The following TMEM184A variants were observed in gnomAD, a reference collection of about 807,000 sequenced individuals.
TMEM184A encodes the protein transmembrane protein 184A, also known as sexually dimorphic, expressed in male gonads 1.
Under a neutral mutation model 39.5 loss-of-function variants are expected in TMEM184A, and 40 were observed. The observed-to-expected ratio is 1.01, with a 90% CI of 0.79 to 1.32. The LOEUF is 1.32. TMEM184A is among the 40% of genes most tolerant of loss of function. The pLI, the probability that TMEM184A is intolerant of heterozygous loss-of-function variation, is 0.00. For missense variants in TMEM184A, 603 were observed against 568.8 expected (o/e 1.06, Z -0.61); for synonymous variants, 280 against 252.3 (o/e 1.11, Z -1.04).
At chr7:1,550,728 G>A in intron 3 of TMEM184A, 89 bp downstream of exon 3, 2 of 1,513,154 alleles carry the variant, frequency 1.3e-6, no homozygotes, top group Non-Finnish European at 9.0e-7. Context: ...GGGGTGCCCT[G>A]GGGACTGGCC....
intron 2 of TMEM184A, among the ~76,000 whole-genome samples, chr7:1,551,591 A>G (rs1228219646): frequency 1.3e-5 from 2 of 152,234 alleles, no homozygotes; most frequent in Non-Finnish European, 2.9e-5. Context: ...ATGAATGTAT[A>G]TGTTAAATAC....
At chr7:1,547,692 C>G (rs558872810) in intron 8 of TMEM184A, 50 bp downstream of exon 8, 16 of 1,551,906 alleles carry the variant, frequency 1.0e-5, no homozygotes, top group Middle Eastern at 1.8e-4. Flanking sequence ...ACACGGTGCC[C>G]GGGGCAGGGC....
intron 8 of TMEM184A, 132 bp downstream of exon 8, chr7:1,547,610 C>T: frequency 1.1e-6 from 1 of 949,006 alleles, no homozygotes; most frequent in Non-Finnish European, 1.6e-6. Flanking sequence ...CTGTCCGGAG[C>T]CGGATGCCCT....
intron 6 of TMEM184A, chr7:1,549,525 C>G (rs1201039786): frequency 2.0e-6 from 1 of 498,892 alleles, no homozygotes; most frequent in Non-Finnish European, 4.1e-6. Context: ...GGCGCAGATG[C>G]TGGCACAGAC....
At position 1,548,693 on chromosome 7, in the gene TMEM184A, G is replaced by C; in HGVS notation, c.645-5C>G. 1.2e-6 allele frequency: 2 copies of C among 1,612,574 alleles called. No homozygotes were observed. The highest frequency in any genetic ancestry group is 1.7e-6 in the Non-Finnish European group (2 of 1,179,596). On this transcript the variant is annotated splice_region_variant and splice_polypyrimidine_tract_variant and intron_variant, in intron 6 of 8. Coordinates refer to ENST00000297477, the MANE Select transcript of TMEM184A (RefSeq NM_001097620.2). ...TAGAGGTAGCCGCTGCGGACACTAG[G>C]ACAGACGGGGGCTGTGGTCAGGGCG... is the stretch of plus-strand genomic sequence containing the variant.
intron 7 of TMEM184A, 68 bp from the exon 8 acceptor site, chr7:1,548,007 C>A (rs897222374): frequency 6.7e-7 from 1 of 1,497,764 alleles, no homozygotes; most frequent in African/African-American, 1.4e-5. Flanking sequence ...AGGCCCCAGA[C>A]CCCGCAGCGG....
At chr7:1,550,037 A>C in intron 5 of TMEM184A, 86 bp downstream of exon 5, 1 of 1,544,798 alleles carries the variant, frequency 6.5e-7, no homozygotes, top group Non-Finnish European at 8.8e-7. Flanking sequence ...CAGCCCCCTG[A>C]CACTGGGTGG....
At position 1,555,369 on chromosome 7, in the gene TMEM184A, C is replaced by T. The variant is rs183593116; in HGVS notation, c.116G>A (p.Gly39Glu). 12,843 of 1,611,644 alleles carry T rather than the reference C, an allele frequency of 8.0e-3. 63 individuals carry two copies. The highest frequency in any genetic ancestry group is 9.9e-3 in the Non-Finnish European group (11,686 of 1,179,430). ...VPAGPQMDHM[G>E]NSSQGAPWLF... ...CCAGGGGGCCCCCTGGGAGCTGTTC[C>T]CCATGTGGTCCATCTGCGGCCCAGC... The change falls in exon 2 of 9, where the codon GGG (glycine) becomes GAG (glutamate). Residue 39 changes from glycine (G) to glutamate (E), a missense_variant. By Grantham distance (98) the Gly-to-Glu change is moderately conservative (BLOSUM62 -2). Coordinates refer to ENST00000297477, the MANE Select transcript of TMEM184A (RefSeq NM_001097620.2). The surrounding 1 kb of genome is among the most constrained non-coding windows in gnomAD (Gnocchi z 5.2).
chr7:1,545,948 A>G lies in TMEM184A; in HGVS notation c.*1004T>C, dbSNP rs1299887517. Reference sequence around the variant, plus strand: ...CCCCCTGGGAGTGTCCCCCCCGCCCAGGTACTCAGGGCCCTGCCTTCGTGG... The same window carrying G: ...CCCCCTGGGAGTGTCCCCCCCGCCCGGGTACTCAGGGCCCTGCCTTCGTGG... On this transcript the variant is annotated 3_prime_UTR_variant, in exon 9 of 9. Transcript: ENST00000297477. 1.3e-5 allele frequency: 2 copies of G among 152,288 alleles called. No homozygotes were observed. Among genetic ancestry groups the G allele is most frequent in the East Asian group, 3.9e-4 (2 of 5,160 alleles). The allele number at this position is 152,288 out of a possible 1,614,324, so 9.4% of individuals were successfully genotyped here.
chr7:1,549,680 C>T (rs1784507180), intron 6 of TMEM184A, 174 bp downstream of exon 6: 2 of 718,398 alleles, frequency 2.8e-6, no homozygotes, highest in Non-Finnish European at 5.1e-6. Context: ...CCTTGTTGGG[C>T]CCCACCGCTG....
At chr7:1,550,686 T>C in intron 3 of TMEM184A, 131 bp downstream of exon 3, 1 of 1,216,060 alleles carries the variant, frequency 8.2e-7, no homozygotes, top group Admixed American at 2.1e-5. Flanking sequence ...ACCCTGACTA[T>C]CCTGGCAGCC....
Position 1,547,868 on chromosome 7 carries a change from C to G in TMEM184A, c.886G>C (p.Gly296Arg), listed in dbSNP as rs1784409941. ...TAGCCGGCGGCCAGCGTGCCAGCCCCCAGCTTGTTCCCGCCGCTGGTCTCC... is the reference window on the plus strand; with the variant it reads ...TAGCCGGCGGCCAGCGTGCCAGCCCGCAGCTTGTTCCCGCCGCTGGTCTCC... ...EVETSGGNKL[G>R]AGTLAAGYQN... Residue 296 changes from glycine (G) to arginine (R), a missense_variant, in exon 8 of 9, where the codon GGG becomes CGG. Physicochemically the swap from Gly to Arg is moderately radical, Grantham distance 125 (BLOSUM62 -2). Transcript: ENST00000297477. 2 of 1,603,202 alleles carry G rather than the reference C, an allele frequency of 1.2e-6. No individual in the cohort carries two copies. The highest frequency in any genetic ancestry group is 1.7e-6 in the Non-Finnish European group (2 of 1,175,486).
rs951918158 is a variant in TMEM184A at position 1,544,634 on chromosome 7, G to C, written c.*2318C>G. ...ACGCTGCCTTCCGTCCACGCAGAGC[G>C]GGCTCGGCCCTCAGGGCTTTCCTTC... On this transcript the variant is annotated 3_prime_UTR_variant, in exon 9 of 9. Coordinates refer to ENST00000297477, the MANE Select transcript of TMEM184A (RefSeq NM_001097620.2). 1 of 152,324 alleles carries C rather than the reference G, an allele frequency of 6.6e-6. No individual in the cohort carries two copies. Among genetic ancestry groups the C allele is most frequent in the Non-Finnish European group, 1.5e-5 (1 of 68,078 alleles). The allele number at this position is 152,324 out of a possible 1,614,324, so 9.4% of individuals were successfully genotyped here.
Position 1,555,338 on chromosome 7 carries a change from G to A in TMEM184A, c.147C>T (p.Phe49=), listed in dbSNP as rs748567348. The change falls in exon 2 of 9, where the codon TTC becomes TTT. Residue 49 remains phenylalanine (F), a synonymous_variant. Transcript: ENST00000297477. This position sits in a 1 kb window ranked among gnomAD's most constrained non-coding sequence, Gnocchi z 5.2. ...CGCCTCGGGCCAGTGCGGAGGTGAG[G>A]AAGAGCCAGGGGGCCCCCTGGGAGC... ...GNSSQGAPWL[F]LTSALARGVS... The A allele has an allele frequency of 6.2e-7, 1 of 1,610,248 alleles. No homozygotes were observed. The highest frequency in any genetic ancestry group is 1.1e-5 in the South Asian group (1 of 90,942).
chr7:1,547,570 G>T (rs1784398674), intron 8 of TMEM184A, among the ~76,000 whole-genome samples, 172 bp downstream of exon 8: 1 of 152,100 alleles, frequency 6.6e-6, no homozygotes, highest in African/African-American at 2.4e-5. Flanking sequence ...TGGGGTCCGG[G>T]ACCGCCTGGA....
rs1320023077 is a variant in TMEM184A at position 1,546,113 on chromosome 7, C to G, written c.*839G>C. 2 of 152,702 alleles carry G rather than the reference C, an allele frequency of 1.3e-5. No homozygotes were observed. The highest frequency in any genetic ancestry group is 2.9e-5 in the Non-Finnish European group (2 of 68,248). The allele number at this position is 152,702 out of a possible 1,614,324, so 9.5% of individuals were successfully genotyped here. A position where few individuals can be genotyped will look rare whatever the true frequency, so the allele number is the denominator to read the frequency against. ...CCCTGGACCACGAGGCTGCCCACCC[C>G]AGACAGGTGGGACCCCTTTCCCGCA... On this transcript the variant is annotated 3_prime_UTR_variant, in exon 9 of 9. Coordinates refer to ENST00000297477, the MANE Select transcript of TMEM184A (RefSeq NM_001097620.2).
chr7:1,544,253 C>G lies in TMEM184A; in HGVS notation c.*2699G>C, dbSNP rs532361934. ...GGGGCTCCTGGAGGCTGCGGACAGA[C>G]GGGGAAGCTGTGAAAGGAGACACCG... On this transcript the variant is annotated 3_prime_UTR_variant, in exon 9 of 9. Coordinates refer to ENST00000297477, the MANE Select transcript of TMEM184A (RefSeq NM_001097620.2). 6.6e-6 allele frequency: 1 copy of G among 152,218 alleles called. No homozygotes were observed. The highest frequency in any genetic ancestry group is 1.5e-5 in the Non-Finnish European group (1 of 68,058). 9.4% of individuals were successfully genotyped at this position (152,218 alleles called of 1,614,324 possible).
chr7:1,549,102 A>G (rs2128554522), intron 6 of TMEM184A: 1 of 473,368 alleles, frequency 2.1e-6, no homozygotes, highest in Admixed American at 2.3e-5. Context: ...GTGTGTGTGC[A>G]TGTATGTCGT....
chr7:1,549,651 C>G (rs1334208252), intron 6 of TMEM184A: 11 of 686,528 alleles, frequency 1.6e-5, no homozygotes, highest in Non-Finnish European at 3.0e-5. Context: ...GCCCCTAGCC[C>G]AGCCGGACGC....
Sources: gnomAD v4.1 joint callset for allele counts (sites outside exome capture counted in the v4.1 genomes callset) on GRCh38, gnomAD v4.1.1 for gene constraint, Gnocchi (gnomAD v3.1) non-coding constraint, MANE v1.5 for transcripts, NCBI Gene and HGNC (gene_info 2026-07-23, HGNC 2026-07-21) for gene names.